Variants in PLCL2 observed in about 807,000 individuals in gnomAD.
PLCL2 encodes phospholipase C like 2, also known as inactive phospholipase C-like protein 2.
In PLCL2, 4 loss-of-function variants were observed where a neutral mutation model predicts 79.6. The ratio of observed to expected loss-of-function variants is 0.05; its 90% confidence interval spans 0.02 to 0.11. The LOEUF is 0.11. Among genes scored for constraint, PLCL2 ranks in the 10% least tolerant of loss-of-function variants. The pLI is 1.00. For synonymous variants in PLCL2, 484 were observed against 457.7 expected (o/e 1.06, Z -0.73); for missense variants, 895 against 1,291.0 (o/e 0.69, Z 4.70).
chr3:16,923,673 G>A (rs1412933632), intron 1 of PLCL2, among the ~76,000 whole-genome samples: 1 of 152,092 alleles, frequency 6.6e-6, no homozygotes, highest in Non-Finnish European at 1.5e-5. Flanking sequence ...CAGATTTGGG[G>A]AGTTTTCAGC....
chr3:17,021,472 T>C (rs1009344521), intron 3 of PLCL2, among the ~76,000 whole-genome samples: 2 of 152,084 alleles, frequency 1.3e-5, no homozygotes, highest in Non-Finnish European at 2.9e-5. Flanking sequence ...TGAGAAACCT[T>C]TGGGAGATTG....
intron 1 of PLCL2, among the ~76,000 whole-genome samples, chr3:16,997,238 C>G (rs1208537091): frequency 6.6e-6 from 1 of 152,188 alleles, no homozygotes; most frequent in African/African-American, 2.4e-5. Flanking sequence ...GGCCCATTCC[C>G]TTTAAAAGTT....
Position 17,011,620 on chromosome 3 carries a change from T to G in PLCL2, c.2274T>G (p.Ile758Met). ...GGGTCTCACCTCAACTTCTTCACAT[T>G]AAAATCATCAGTGGGCAGAACTTTC... ...VPGVSPQLLH[I>M]KIISGQNFPK... The change falls in exon 2 of 6, where the codon ATT (isoleucine) becomes ATG (methionine). Residue 758 changes from isoleucine to methionine, a missense_variant. Ile to Met is a conservative substitution (Grantham distance 10). Around this residue, in one of 6 missense-constraint regions of PLCL2, gnomAD observed 298 missense variants for 459.6 expected, o/e 0.65. Transcript: ENST00000615277. This position sits in a 1 kb window ranked among gnomAD's most constrained non-coding sequence, Gnocchi z 7.9. 1 of 1,614,076 alleles carries G rather than the reference T, an allele frequency of 6.2e-7. No homozygotes were observed. The highest frequency in any genetic ancestry group is 8.5e-7 in the Non-Finnish European group (1 of 1,180,024).
chr3:16,943,628 A>G (rs1339315901), intron 1 of PLCL2, among the ~76,000 whole-genome samples: 1 of 152,200 alleles, frequency 6.6e-6, no homozygotes, highest in Non-Finnish European at 1.5e-5. Flanking sequence ...TTGTTTTTGC[A>G]TGTATACATA....
chr3:16,955,411 T>C (rs1272796506), intron 1 of PLCL2, among the ~76,000 whole-genome samples: 1 of 152,226 alleles, frequency 6.6e-6, no homozygotes, highest in Non-Finnish European at 1.5e-5. Flanking sequence ...ACCAGTACCA[T>C]GCTGTTTTGG....
intron 4 of PLCL2, among the ~76,000 whole-genome samples, chr3:17,053,694 G>T (rs1006335367): frequency 9.2e-5 from 14 of 152,174 alleles, no homozygotes; most frequent in Non-Finnish European, 1.6e-4. Flanking sequence ...TTACAATGGG[G>T]ATATAGGGAT....
chr3:17,025,400 A>G (rs77810747), intron 3 of PLCL2, among the ~76,000 whole-genome samples: 2,372 of 152,274 alleles, frequency 0.016, 56 homozygotes, highest in African/African-American at 0.053. Context: ...AGTCACTTCA[A>G]TCAAATTGTT....
intron 1 of PLCL2, among the ~76,000 whole-genome samples, chr3:16,918,926 A>G (rs1001927212): frequency 5.9e-5 from 9 of 152,196 alleles, no homozygotes; most frequent in Non-Finnish European, 1.3e-4. Context: ...GACAGCATGT[A>G]TAAACTTGTA....
intron 4 of PLCL2, chr3:17,044,070 G>A (rs1214323817): frequency 1.3e-5 from 2 of 152,360 alleles, no homozygotes; most frequent in African/African-American, 2.4e-5. Flanking sequence ...TTACTCAGGA[G>A]TCTCAAGTTG....
At chr3:17,050,903 T>C (rs1382752570) in intron 4 of PLCL2, among the ~76,000 whole-genome samples, 3 of 152,200 alleles carry the variant, frequency 2.0e-5, no homozygotes, top group Non-Finnish European at 2.9e-5. Context: ...CCTAAGCATC[T>C]ACCAACAGTT....
At position 16,885,132 on chromosome 3, in the gene PLCL2, A is replaced by G; in HGVS notation, c.93A>G (p.Gly31=). The G allele has an allele frequency of 6.3e-6, 3 of 479,554 alleles. No individual in the cohort carries two copies. The highest frequency in any genetic ancestry group is 5.2e-4 in the Middle Eastern group (1 of 1,928). The allele number at this position is 479,554 out of a possible 1,614,324, so 29.7% of individuals were successfully genotyped here. A position where few individuals can be genotyped will look rare whatever the true frequency, so the allele number is the denominator to read the frequency against. ...GCGCCAAGGGCGCCCTGAAAGCCGG[A>G]GTGGGGGAAGGCGGTGGCGGGGGAG... is the stretch of plus-strand genomic sequence containing the variant. ...ALGAKGALKA[G]VGEGGGGGGR... Residue 31 remains glycine (G), a synonymous_variant, in exon 1 of 6, where the codon GGA becomes GGG. Transcript: ENST00000615277.
chr3:16,964,377 C>T (rs986947921), intron 1 of PLCL2, among the ~76,000 whole-genome samples: 1 of 152,044 alleles, frequency 6.6e-6, no homozygotes, highest in African/African-American at 2.4e-5. Flanking sequence ...TGCATAGTAT[C>T]CCATGGTGTA....
chr3:16,945,253 C>T (rs1451001438), intron 1 of PLCL2, among the ~76,000 whole-genome samples: 1 of 151,926 alleles, frequency 6.6e-6, no homozygotes, highest in Non-Finnish European at 1.5e-5. Flanking sequence ...CACACACACA[C>T]ACACACACAT....
chr3:16,976,611 C>T (rs1447449910), intron 1 of PLCL2, among the ~76,000 whole-genome samples: 3 of 152,164 alleles, frequency 2.0e-5, no homozygotes, highest in South Asian at 2.1e-4. Flanking sequence ...AAAAACTGCA[C>T]AGCATAGCCT....
intron 1 of PLCL2, among the ~76,000 whole-genome samples, chr3:16,898,062 A>C (rs1044944521): frequency 2.0e-5 from 3 of 152,024 alleles, no homozygotes; most frequent in Non-Finnish European, 2.9e-5. Context: ...ACTTGTCTTG[A>C]GTAGGCACCA....
At chr3:17,037,999 T>C (rs932392829) in intron 3 of PLCL2, among the ~76,000 whole-genome samples, 4 of 152,184 alleles carry the variant, frequency 2.6e-5, no homozygotes, top group Admixed American at 2.6e-4. Flanking sequence ...TGGGAGTTAC[T>C]TTCAAAACAT....
At chr3:17,086,416 C>A (rs1355775277) in intron 5 of PLCL2, among the ~76,000 whole-genome samples, 3 of 152,116 alleles carry the variant, frequency 2.0e-5, no homozygotes, top group Non-Finnish European at 4.4e-5. Context: ...AATCTTACAC[C>A]CTTCACAAGA....
chr3:16,904,249 A>G (rs987299170), intron 1 of PLCL2, among the ~76,000 whole-genome samples: 2 of 151,350 alleles, frequency 1.3e-5, no homozygotes, highest in Non-Finnish European at 2.9e-5. Flanking sequence ...ACAGTTGTCA[A>G]TTTGGCCAGA....
chr3:16,916,202 G>GA (rs1392381924), intron 1 of PLCL2, among the ~76,000 whole-genome samples: 1 of 152,170 alleles, frequency 6.6e-6, no homozygotes, highest in African/African-American at 2.4e-5. Context: ...GAAGAATGTG[G>GA]AATGTGAAAT....
Sources: allele counts gnomAD v4.1 joint callset (sites outside exome capture counted in the v4.1 genomes callset), GRCh38; gene constraint gnomAD v4.1.1; regional missense constraint gnomAD v4.1.1; non-coding constraint Gnocchi (gnomAD v3.1); transcripts MANE v1.5; gene names NCBI Gene and HGNC (gene_info 2026-07-23, HGNC 2026-07-21).